MYT1L: variants seen among roughly 807,000 people sequenced by gnomAD.
MYT1L encodes the protein myelin transcription factor 1-like protein.
In MYT1L, 12 loss-of-function variants were observed where a neutral mutation model predicts 126.7. The observed-to-expected ratio is 0.09, with a 90% CI of 0.06 to 0.15. The LOEUF (loss-of-function observed/expected upper bound fraction) is 0.15, where lower values mean the gene tolerates loss of function less well. Ranked by LOEUF, MYT1L falls within the 10% of genes least tolerant of loss-of-function variation. The pLI, the probability that MYT1L is intolerant of heterozygous loss-of-function variation, is 1.00. For missense variants in MYT1L, 979 were observed against 1,585.2 expected (o/e 0.62, Z 6.49); for synonymous variants, 541 against 604.2 (o/e 0.90, Z 1.53).
chr2:2,088,666 T>G (rs1274371434), intron 3 of MYT1L, among the ~76,000 whole-genome samples: 1 of 152,030 alleles, frequency 6.6e-6, no homozygotes, highest in Admixed American at 6.5e-5. Flanking sequence ...AGTACTAGTA[T>G]AAAAAATATG....
intron 19 of MYT1L, among the ~76,000 whole-genome samples, chr2:1,846,690 G>A (rs545774179): frequency 2.6e-5 from 4 of 152,326 alleles, no homozygotes; most frequent in Admixed American, 6.5e-5. Flanking sequence ...CGGAGCCCAG[G>A]GGCAGAGCAC....
Position 2,210,566 on chromosome 2 carries a change from A to G in MYT1L, c.-420-37578T>C, listed in dbSNP as rs545840487. 9.2e-5 allele frequency among the ~76,000 whole-genome samples: 14 copies of G among 152,174 alleles called. No individual in the cohort carries two copies. In the East Asian group the frequency reaches 2.7e-3, roughly 29 times the overall value. On this transcript the variant is annotated intron_variant, in intron 2 of 24. Coordinates refer to ENST00000647738, the MANE Select transcript of MYT1L (RefSeq NM_001303052.2). Reference sequence around the variant, plus strand: ...ATAAGGATTTGCTTCTGGATTCTTTATTCTGTTCCATGCATCCATGTGTCT... The same window carrying G: ...ATAAGGATTTGCTTCTGGATTCTTTGTTCTGTTCCATGCATCCATGTGTCT...
intron 1 of MYT1L, among the ~76,000 whole-genome samples, chr2:2,296,006 A>C (rs2095687956): frequency 6.6e-6 from 1 of 152,210 alleles, no homozygotes; most frequent in Non-Finnish European, 1.5e-5. Context: ...AAAGGCTGGC[A>C]ACCCAAATAC....
At position 2,059,106 on chromosome 2, in the gene MYT1L, T is replaced by C. The variant is rs2070029631; in HGVS notation, c.-303-4983A>G. Among the ~76,000 whole-genome samples, 1 of 152,196 alleles carries C rather than the reference T, an allele frequency of 6.6e-6. No homozygotes were observed. The highest frequency in any genetic ancestry group is 2.4e-5 in the African/African-American group (1 of 41,460). On this transcript the variant is annotated intron_variant, in intron 3 of 24. Coordinates refer to ENST00000647738, the MANE Select transcript of MYT1L (RefSeq NM_001303052.2). This position sits in a 1 kb window ranked among gnomAD's most constrained non-coding sequence, Gnocchi z 4.7. ...TCACTCAGTCTTATAGACACAGTGG[T>C]CTTGTTATTCCTCAAAAGGTCTGCG... is the stretch of plus-strand genomic sequence containing the variant.
At chr2:2,148,371 C>T (rs1423961159) in intron 3 of MYT1L, among the ~76,000 whole-genome samples, 1 of 152,156 alleles carries the variant, frequency 6.6e-6, no homozygotes, top group Non-Finnish European at 1.5e-5. Flanking sequence ...CAATAGTGTT[C>T]GAATTCCCAT....
intron 2 of MYT1L, among the ~76,000 whole-genome samples, chr2:2,262,441 C>T (rs1417390456): frequency 6.6e-6 from 1 of 151,690 alleles, no homozygotes; most frequent in Non-Finnish European, 1.5e-5. Context: ...GCCTGTAATC[C>T]CAGCACTTTG....
At chr2:2,212,240 A>C (rs578229353) in intron 2 of MYT1L, among the ~76,000 whole-genome samples, 21,984 of 152,102 alleles carry the variant, frequency 0.14, 1,719 homozygotes, top group African/African-American at 0.19. Flanking sequence ...AACTTTGAAC[A>C]CCAATATCTT....
At chr2:2,264,283 C>T (rs1345049618) in intron 2 of MYT1L, among the ~76,000 whole-genome samples, 1 of 152,120 alleles carries the variant, frequency 6.6e-6, no homozygotes, top group Non-Finnish European at 1.5e-5. Flanking sequence ...TAATCCACAG[C>T]CCAGCGTGGA....
chr2:2,124,497 T>C (rs1257972900), intron 3 of MYT1L, among the ~76,000 whole-genome samples: 1 of 152,138 alleles, frequency 6.6e-6, no homozygotes, highest in African/African-American at 2.4e-5. Context: ...GGTTTCACCA[T>C]GTTGCCCAGG....
intron 2 of MYT1L, among the ~76,000 whole-genome samples, chr2:2,238,751 G>C (rs766087461): frequency 6.6e-6 from 1 of 152,246 alleles, no homozygotes; most frequent in African/African-American, 2.4e-5. Context: ...TGCAACGATT[G>C]TAAGTGTAGT....
At chr2:2,145,258 A>G (rs2148227527) in intron 3 of MYT1L, among the ~76,000 whole-genome samples, 1 of 152,322 alleles carries the variant, frequency 6.6e-6, no homozygotes, top group East Asian at 1.9e-4. Context: ...TTCTGGAGAA[A>G]GCAAAGGAGA....
At chr2:2,273,645 G>A (rs1301389679) in intron 2 of MYT1L, among the ~76,000 whole-genome samples, 2 of 152,218 alleles carry the variant, frequency 1.3e-5, no homozygotes, top group Non-Finnish European at 2.9e-5. Context: ...CCTGCCCCAG[G>A]GTAGGGGGGC....
rs1242239690 is a variant in MYT1L, at chr2:2,011,112, G to A, written c.-157-13765C>T. 3.9e-5 allele frequency among the ~76,000 whole-genome samples: 6 copies of A among 152,182 alleles called. No homozygotes were observed. The East Asian group carries it at 1.2e-3, about 29-fold the overall frequency. ...CCATATAAGAACTAAAAGTAGGCTG[G>A]GCATGGTGGCTCATGCCTGTCATCC... On this transcript the variant is annotated intron_variant, in intron 4 of 24. Coordinates refer to ENST00000647738, the MANE Select transcript of MYT1L (RefSeq NM_001303052.2).
At chr2:2,025,552 T>C (rs532047167) in intron 4 of MYT1L, among the ~76,000 whole-genome samples, 1 of 152,344 alleles carries the variant, frequency 6.6e-6, no homozygotes, top group East Asian at 1.9e-4. Context: ...GTGTGTGATA[T>C]TCCCCCTCCA....
intron 9 of MYT1L, among the ~76,000 whole-genome samples, chr2:1,933,184 C>T (rs943843300): frequency 2.1e-5 from 3 of 141,648 alleles, no homozygotes; most frequent in Non-Finnish European, 3.1e-5. Flanking sequence ...CAGGCAGCTT[C>T]CACAGCCCCC....
In MYT1L at chr2:2,293,010, C is replaced by T. The variant is rs36110884; in HGVS notation, c.-520-8507G>A. ...CATGTTTATGTTTCATTTGCAAGTT[C>T]TGCTTACAGAGAAAATCTGAAGTCA... On this transcript the variant is annotated intron_variant, in intron 1 of 24. Coordinates refer to ENST00000647738, the MANE Select transcript of MYT1L (RefSeq NM_001303052.2). Among the ~76,000 whole-genome samples, 1,040 of 152,246 alleles carry T rather than the reference C, an allele frequency of 6.8e-3. 8 individuals are homozygous for T. The highest frequency in any genetic ancestry group is 0.02 in the Middle Eastern group (6 of 294).
intron 4 of MYT1L, among the ~76,000 whole-genome samples, chr2:2,040,965 G>A (rs1558824998): frequency 6.6e-6 from 1 of 151,968 alleles, no homozygotes; most frequent in African/African-American, 2.4e-5. Flanking sequence ...CTCAAATAAG[G>A]CAAAAAGAGA....
chr2:1,913,730 G>A (rs1443227952), intron 11 of MYT1L, among the ~76,000 whole-genome samples: 1 of 152,120 alleles, frequency 6.6e-6, no homozygotes, highest in Non-Finnish European at 1.5e-5. Context: ...ACTCTGACCT[G>A]AGGTCCAGAT....
At chr2:2,036,531 C>T (rs563023814) in intron 4 of MYT1L, among the ~76,000 whole-genome samples, 1 of 152,352 alleles carries the variant, frequency 6.6e-6, no homozygotes, top group East Asian at 1.9e-4. Flanking sequence ...GTCTTCTTTT[C>T]CAGGCAATAG....
Sources: gnomAD v4.1 joint callset for allele counts (sites outside exome capture counted in the v4.1 genomes callset) on GRCh38, gnomAD v4.1.1 for gene constraint, Gnocchi (gnomAD v3.1) non-coding constraint, MANE v1.5 for transcripts, NCBI Gene and HGNC (gene_info 2026-07-23, HGNC 2026-07-21) for gene names.